ME1: variants seen among roughly 807,000 people sequenced by gnomAD.
The protein encoded by ME1 is malic enzyme 1.
In ME1, 74 loss-of-function variants were observed where a neutral mutation model predicts 66.4. The observed-to-expected ratio is 1.11, with a 90% CI of 0.92 to 1.35. The LOEUF (loss-of-function observed/expected upper bound fraction) is 1.35, where lower values mean the gene tolerates loss of function less well. Ranked by LOEUF, ME1 falls within the 40% of genes most tolerant of loss-of-function variation. The pLI is 0.00. For missense variants in ME1, 750 were observed against 694.1 expected (o/e 1.08, Z -0.90); for synonymous variants, 251 against 235.6 (o/e 1.07, Z -0.60).
intron 7 of ME1, among the ~76,000 whole-genome samples, chr6:83,245,852 A>AT (rs577260867): frequency 0.026 from 4,026 of 152,024 alleles, 82 homozygotes; most frequent in Admixed American, 0.055. Context: ...GATAGTCTAA[A>AT]TTTTTTTTGC....
At chr6:83,353,904 T>C (rs188868455) in intron 3 of ME1, among the ~76,000 whole-genome samples, 6 of 152,296 alleles carry the variant, frequency 3.9e-5, no homozygotes, top group African/African-American at 1.4e-4. Flanking sequence ...TCATTTGACC[T>C]CTTGACTGTT....
intron 5 of ME1, among the ~76,000 whole-genome samples, chr6:83,345,544 G>A (rs535490457): frequency 6.6e-6 from 1 of 152,288 alleles, no homozygotes; most frequent in African/African-American, 2.4e-5. Context: ...TGATATATCT[G>A]TTTGGGACCT....
chr6:83,412,288 T>C (rs1770065833), intron 1 of ME1, among the ~76,000 whole-genome samples: 1 of 152,188 alleles, frequency 6.6e-6, no homozygotes, highest in African/African-American at 2.4e-5. Context: ...AGACAATTAA[T>C]CTATACATGT....
intron 6 of ME1, among the ~76,000 whole-genome samples, chr6:83,257,040 T>C (rs1766786310): frequency 6.6e-6 from 1 of 151,928 alleles, no homozygotes; most frequent in African/African-American, 2.4e-5. Context: ...CGGGGCCTGT[T>C]TGGGGGTGTG....
chr6:83,230,660 A>G (rs1178214789), intron 9 of ME1, among the ~76,000 whole-genome samples: 2 of 152,178 alleles, frequency 1.3e-5, no homozygotes, highest in East Asian at 3.9e-4. Flanking sequence ...GGCCAGGCGC[A>G]GTGGCTCATG....
At chr6:83,219,025 A>G (rs1790040679) in intron 12 of ME1, among the ~76,000 whole-genome samples, 1 of 152,230 alleles carries the variant, frequency 6.6e-6, no homozygotes, top group African/African-American at 2.4e-5. Flanking sequence ...TATTTAATTA[A>G]AAGAATATTA....
Position 83,292,387 on chromosome 6 carries a change from G to A in ME1, c.704+22923C>T, listed in dbSNP as rs528975826. On this transcript the variant is annotated intron_variant, in intron 6 of 13. Transcript: ENST00000369705. ...CTAACAGACAGGCCCCTCAGCTGCA[G>A]TTACTTCGCAGTTTGCTGGAGGTCC... Among the ~76,000 whole-genome samples the A allele has an allele frequency of 3.9e-4, 59 of 152,266 alleles. 1 individual carries two copies. The South Asian group carries it at 0.012, about 31-fold the overall frequency.
intron 4 of ME1, among the ~76,000 whole-genome samples, chr6:83,348,002 A>C (rs894532631): frequency 2.0e-5 from 3 of 152,184 alleles, no homozygotes; most frequent in African/African-American, 7.2e-5. Context: ...TACTTCTAAG[A>C]TATTTTATTT....
Position 83,239,578 on chromosome 6 carries a change from T to C in ME1, c.873A>G (p.Lys291=), listed in dbSNP as rs1238490189. The C allele has an allele frequency of 6.2e-7, 1 of 1,613,350 alleles. No homozygotes were observed. Among genetic ancestry groups the C allele is most frequent in the Admixed American group, 1.7e-5 (1 of 60,000 alleles). The change falls in exon 8 of 14, where the codon AAA becomes AAG. Residue 291 remains lysine (K), a synonymous_variant. Transcript: ENST00000369705. ...GGAATAGTATTGTTTGATCAGACAGTTTGTTCTTGGTTATTCGAAGAGCTG... is the reference window on the plus strand; with the variant it reads ...GGAATAGTATTGTTTGATCAGACAGCTTGTTCTTGGTTATTCGAAGAGCTG... ...LLAALRITKN[K]LSDQTILFQG... is the part of the protein sequence containing the mutation.
At chr6:83,342,724 G>A (rs1768612521) in intron 5 of ME1, among the ~76,000 whole-genome samples, 1 of 151,970 alleles carries the variant, frequency 6.6e-6, no homozygotes, top group Admixed American at 6.6e-5. Flanking sequence ...TTTTGCTGTT[G>A]TTGCCCAGGC....
At chr6:83,295,701 G>GA (rs1291493816) in intron 6 of ME1, among the ~76,000 whole-genome samples, 4 of 151,918 alleles carry the variant, frequency 2.6e-5, no homozygotes, top group Admixed American at 1.3e-4. Flanking sequence ...GATAAGACAT[G>GA]AAAAACTATT....
intron 6 of ME1, among the ~76,000 whole-genome samples, chr6:83,271,637 A>C (rs1767083715): frequency 6.6e-6 from 1 of 152,082 alleles, no homozygotes; most frequent in South Asian, 2.1e-4. Context: ...AAAATGGTTA[A>C]AGTTTATATT....
rs1005833975 is a variant in ME1 at position 83,227,486 on chromosome 6, G to A, written c.1133-9C>T. ...ACCAATTGCAGCAACTCCTAATGAA[G>A]AAATATGAAGCTGGTAATTAACACT... On this transcript the variant is annotated splice_polypyrimidine_tract_variant and intron_variant, in intron 10 of 13. Coordinates refer to ENST00000369705, the MANE Select transcript of ME1 (RefSeq NM_002395.6). 6.3e-7 allele frequency: 1 copy of A among 1,585,794 alleles called. No homozygotes were observed. The highest frequency in any genetic ancestry group is 1.3e-5 in the African/African-American group (1 of 74,226).
chr6:83,387,742 T>G (rs1769537650), intron 3 of ME1, among the ~76,000 whole-genome samples: 1 of 152,180 alleles, frequency 6.6e-6, no homozygotes, highest in Admixed American at 6.6e-5. Flanking sequence ...TTGGCTGATT[T>G]TAATATTTCC....
Position 83,431,013 on chromosome 6 carries a change from G to A in ME1, c.-59C>T. The A allele has an allele frequency of 2.7e-6, 3 of 1,129,640 alleles. No homozygotes were observed. Among genetic ancestry groups the A allele is most frequent in the Non-Finnish European group, 3.6e-6 (3 of 833,410 alleles). The allele number at this position is 1,129,640 out of a possible 1,614,324, so 70.0% of individuals were successfully genotyped here. A position where few individuals can be genotyped will look rare whatever the true frequency, so the allele number is the denominator to read the frequency against. On this transcript the variant is annotated 5_prime_UTR_variant, in exon 1 of 14. Transcript: ENST00000369705. ...GGGGCGGGCCGCACGCGCGGTGCAG[G>A]CGGCGGATGCTGCTGGGGTGACGGT... is the stretch of plus-strand genomic sequence containing the variant.
chr6:83,221,467 G>C (rs1790090430), intron 12 of ME1, among the ~76,000 whole-genome samples: 1 of 152,196 alleles, frequency 6.6e-6, no homozygotes. Context: ...TGTGTTTGAA[G>C]GCTATGGGAT....
In ME1 at chr6:83,358,608, A is replaced by G. The variant is rs907737006; in HGVS notation, c.363-6469T>C. Reference sequence around the variant, plus strand: ...GTCTACTGTTAAAGTGAGGGCATCGATTAGAAAAGAATGGGACCATGCAAC... The same window carrying G: ...GTCTACTGTTAAAGTGAGGGCATCGGTTAGAAAAGAATGGGACCATGCAAC... On this transcript the variant is annotated intron_variant, in intron 3 of 13. Coordinates refer to ENST00000369705, the MANE Select transcript of ME1 (RefSeq NM_002395.6). Among the ~76,000 whole-genome samples, 23 of 152,198 alleles carry G rather than the reference A, an allele frequency of 1.5e-4. 1 individual carries two copies. The highest frequency in any genetic ancestry group is 4.6e-4 in the Admixed American group (7 of 15,284).
chr6:83,282,566 T>C (rs1767318460), intron 6 of ME1, among the ~76,000 whole-genome samples: 1 of 152,212 alleles, frequency 6.6e-6, no homozygotes, highest in African/African-American at 2.4e-5. Context: ...TGAGATATCA[T>C]CTCACTCCAG....
intron 4 of ME1, among the ~76,000 whole-genome samples, chr6:83,349,779 G>A (rs10455140): frequency 0.47 from 71,205 of 151,880 alleles, 18,544 homozygotes; most frequent in African/African-American, 0.69. Flanking sequence ...ACCTTTTACA[G>A]TAATTTGATT....
Sources: allele counts gnomAD v4.1 joint callset (sites outside exome capture counted in the v4.1 genomes callset), GRCh38; gene constraint gnomAD v4.1.1; transcripts MANE v1.5; gene names NCBI Gene and HGNC (gene_info 2026-07-23, HGNC 2026-07-21).